Variants in MCC observed in about 807,000 individuals in gnomAD.
MCC encodes MCC regulator of Wnt signaling pathway, also known as colorectal mutant cancer protein.
A neutral mutation model predicts 116.2 loss-of-function variants in MCC; 90 were observed. That is an observed-to-expected ratio of 0.77 (90% CI 0.65 to 0.92). The LOEUF (loss-of-function observed/expected upper bound fraction) is 0.92, where lower values mean the gene tolerates loss of function less well. Ranked by LOEUF, MCC falls within the 40% of genes least tolerant of loss-of-function variation. MCC has a pLI of 0.00. For missense variants in MCC, 1,516 were observed against 1,312.2 expected, an observed-to-expected ratio of 1.16 and a Z score of -2.40; for synonymous variants, 578 against 510.5, an observed-to-expected ratio of 1.13 and a Z score of -1.78.
intron 3 of MCC, among the ~76,000 whole-genome samples, chr5:113,161,961 C>T (rs970570280): frequency 6.6e-6 from 1 of 152,208 alleles, no homozygotes; most frequent in African/African-American, 2.4e-5. Flanking sequence ...CTTGCCTCAC[C>T]ACAGGGCTGC....
chr5:113,052,510 T>G (rs1752551015), intron 15 of MCC, among the ~76,000 whole-genome samples: 1 of 152,132 alleles, frequency 6.6e-6, no homozygotes, highest in African/African-American at 2.4e-5. Context: ...TACCACTGCC[T>G]AGTGTCTTCC....
At chr5:113,313,174 G>A (rs868117939) in intron 3 of MCC, among the ~76,000 whole-genome samples, 17 of 151,974 alleles carry the variant, frequency 1.1e-4, no homozygotes, top group Non-Finnish European at 2.2e-4. Context: ...GTGAAACCCC[G>A]TCTCTACTAA....
At chr5:113,418,631 TAGTGC>T (rs1770223535) in intron 1 of MCC, among the ~76,000 whole-genome samples, 1 of 152,122 alleles carries the variant, frequency 6.6e-6, no homozygotes, top group East Asian at 1.9e-4. Flanking sequence ...GTAAAGCTTT[TAGTGC>T]AGTGCCTGGA....
chr5:113,337,813 G>A (rs1033917100), intron 3 of MCC, among the ~76,000 whole-genome samples: 7 of 152,178 alleles, frequency 4.6e-5, no homozygotes, highest in Non-Finnish European at 7.3e-5. Flanking sequence ...TATAAATAAA[G>A]GGATTGCCCA....
chr5:113,137,608 G>A (rs1758917334), intron 5 of MCC, among the ~76,000 whole-genome samples: 3 of 152,114 alleles, frequency 2.0e-5, no homozygotes, highest in South Asian at 2.1e-4. Flanking sequence ...TTTTGTTGAG[G>A]ATTTTTACCT....
At chr5:113,413,108 C>G (rs1770040209) in intron 1 of MCC, among the ~76,000 whole-genome samples, 1 of 152,112 alleles carries the variant, frequency 6.6e-6, no homozygotes, top group Non-Finnish European at 1.5e-5. Flanking sequence ...GCCTTGCATC[C>G]CAGGGATGAA....
At chr5:113,284,206 CG>C (rs1221319533) in intron 3 of MCC, among the ~76,000 whole-genome samples, 1 of 152,136 alleles carries the variant, frequency 6.6e-6, no homozygotes, top group African/African-American at 2.4e-5. Flanking sequence ...AAAAAGTAGC[CG>C]GATGTCTTGG....
intron 9 of MCC, 64 bp downstream of exon 9, chr5:113,085,100 G>A: frequency 5.0e-6 from 8 of 1,608,988 alleles, no homozygotes; most frequent in East Asian, 4.5e-5. Context: ...TGGCTAGGAT[G>A]AGCCTGGTGC....
chr5:113,207,325 CAG>C (rs1264503287), intron 3 of MCC, among the ~76,000 whole-genome samples: 1 of 152,088 alleles, frequency 6.6e-6, no homozygotes, highest in Non-Finnish European at 1.5e-5. Context: ...ATGTTTAGCA[CAG>C]AGTCTGGTTC....
chr5:113,225,184 A>T (rs972309540), intron 3 of MCC, among the ~76,000 whole-genome samples: 1 of 152,188 alleles, frequency 6.6e-6, no homozygotes, highest in African/African-American at 2.4e-5. Context: ...ACATCATAAC[A>T]CTAGTTCCGA....
intron 5 of MCC, among the ~76,000 whole-genome samples, chr5:113,124,757 C>A (rs1757946338): frequency 6.6e-6 from 1 of 152,198 alleles, no homozygotes; most frequent in South Asian, 2.1e-4. Context: ...TTCTGTGTCA[C>A]AAAATGCAAA....
In MCC at chr5:113,082,846, C is replaced by T. The variant is rs112704417; in HGVS notation, c.1784+14G>A. 1,961 of 1,611,538 alleles carry T rather than the reference C, an allele frequency of 1.2e-3. 27 individuals carry two copies. The African/African-American group carries it at 0.023, about 19-fold the overall frequency. ...TCCCTGCCCCACAATCAAATCGATA[C>T]GATCTCTCCTCACCTATTCAGCCGT... On this transcript the variant is annotated intron_variant, in intron 11 of 18. Coordinates refer to ENST00000408903, the MANE Select transcript of MCC (RefSeq NM_001085377.2).
At position 113,438,654 on chromosome 5, in the gene MCC, G is replaced by C. The variant is rs77779603; in HGVS notation, c.170+49591C>G. Among the ~76,000 whole-genome samples the C allele has an allele frequency of 8.3e-3, 1,258 of 152,172 alleles. 20 individuals are homozygous for C. Among genetic ancestry groups the C allele is most frequent in the African/African-American group, 0.029 (1,208 of 41,528 alleles). On this transcript the variant is annotated intron_variant, in intron 1 of 18. Transcript: ENST00000408903. ...ACAAAATAATATTCAGTATAATATA[G>C]ATCTATTATACCTTAGAATATCCCA...
intron 3 of MCC, among the ~76,000 whole-genome samples, chr5:113,181,912 T>C (rs12655440): frequency 0.043 from 6,502 of 152,238 alleles, 264 homozygotes; most frequent in African/African-American, 0.1. Context: ...CACGCAGATA[T>C]GTTGCTCTCC....
intron 15 of MCC, among the ~76,000 whole-genome samples, chr5:113,050,769 G>C (rs1752431777): frequency 6.6e-6 from 1 of 152,202 alleles, no homozygotes; most frequent in South Asian, 2.1e-4. Flanking sequence ...AAATGAAGAG[G>C]GAACTCTGCC....
intron 3 of MCC, among the ~76,000 whole-genome samples, chr5:113,197,711 G>T (rs950004205): frequency 6.6e-6 from 1 of 152,164 alleles, no homozygotes; most frequent in African/African-American, 2.4e-5. Flanking sequence ...AAACCTCACA[G>T]CAACCCCACA....
intron 3 of MCC, among the ~76,000 whole-genome samples, chr5:113,175,452 A>G (rs141819493): frequency 5.1e-4 from 77 of 152,298 alleles, no homozygotes; most frequent in African/African-American, 1.8e-3. Context: ...ATATTCCAGG[A>G]AGACTAAGTT....
Position 113,367,633 on chromosome 5 carries a change from G to A in MCC, c.415+17335C>T, listed in dbSNP as rs1020112510. Among the ~76,000 whole-genome samples, 6 of 107,482 alleles carry A rather than the reference G, an allele frequency of 5.6e-5. No individual in the cohort carries two copies. The East Asian group carries it at 1.3e-3, about 24-fold the overall frequency. 70.5% of individuals were successfully genotyped at this position (107,482 alleles called of 152,430 possible). ...GGGCATAAGGAAGGCAGAGGGTGGG[G>A]GGGGGGAAGAGAGAGAGAAAGAGAG... On this transcript the variant is annotated intron_variant, in intron 2 of 18. Transcript: ENST00000408903.
chr5:113,471,931 T>C (rs149283571), intron 1 of MCC, among the ~76,000 whole-genome samples: 5,317 of 151,826 alleles, frequency 0.035, 136 homozygotes, highest in African/African-American at 0.069. Context: ...TAGCAATGAG[T>C]GAGACTCCGT....
Sources: gnomAD v4.1 joint callset for allele counts (sites outside exome capture counted in the v4.1 genomes callset) on GRCh38, gnomAD v4.1.1 for gene constraint, MANE v1.5 for transcripts, NCBI Gene and HGNC (gene_info 2026-07-23, HGNC 2026-07-21) for gene names.